The following ZFP2 variants were observed in gnomAD, a reference collection of about 807,000 sequenced individuals.
The protein encoded by ZFP2 is ZFP2 zinc finger protein.
In ZFP2, 33 loss-of-function variants were observed where a neutral mutation model predicts 36.1. That is an observed-to-expected ratio of 0.92 (90% CI 0.69 to 1.22). ZFP2 has a LOEUF of 1.22. Among genes scored for constraint, ZFP2 ranks in the 50% most tolerant of loss-of-function variants. The pLI is 0.00. For missense variants in ZFP2, 522 were observed against 551.4 expected, an observed-to-expected ratio of 0.95 and a Z score of 0.53; for synonymous variants, 170 against 178.0, an observed-to-expected ratio of 0.96 and a Z score of 0.36.
At chr5:178,908,089 C>T (rs1185506600) in intron 1 of ZFP2, among the ~76,000 whole-genome samples, 2 of 152,178 alleles carry the variant, frequency 1.3e-5, no homozygotes, top group African/African-American at 2.4e-5. Flanking sequence ...AGCTCTAAAT[C>T]GCCTGGAAAT....
rs1380101366 is a variant in ZFP2, at chr5:178,907,286, C to T, written c.-449-5298C>T. 3.3e-5 allele frequency among the ~76,000 whole-genome samples: 5 copies of T among 151,488 alleles called. No individual in the cohort carries two copies. In the East Asian group the frequency reaches 9.7e-4, roughly 29 times the overall value. ...CTCTTTTATGGCCAGTATAAGCAGG[C>T]AAAGAAACAAAGGAATATAGATACA... On this transcript the variant is annotated intron_variant, in intron 1 of 4. Coordinates refer to ENST00000361362, the MANE Select transcript of ZFP2 (RefSeq NM_030613.4).
chr5:178,917,996 T>A (rs1167662091), intron 4 of ZFP2, among the ~76,000 whole-genome samples: 1 of 152,240 alleles, frequency 6.6e-6, no homozygotes, highest in African/African-American at 2.4e-5. Flanking sequence ...GGTTTAAATG[T>A]CACCTTTTCA....
At chr5:178,899,425 T>A (rs1758001806) in intron 1 of ZFP2, among the ~76,000 whole-genome samples, 1 of 152,196 alleles carries the variant, frequency 6.6e-6, no homozygotes, top group Non-Finnish European at 1.5e-5. Context: ...CAGTAAGTTG[T>A]AGGCATTCTT....
At chr5:178,902,776 G>T (rs1758086350) in intron 1 of ZFP2, among the ~76,000 whole-genome samples, 1 of 152,114 alleles carries the variant, frequency 6.6e-6, no homozygotes. Flanking sequence ...TTCCAGAGAT[G>T]ACTACAAAAG....
intron 1 of ZFP2, among the ~76,000 whole-genome samples, chr5:178,899,342 G>A (rs1047750269): frequency 6.6e-6 from 1 of 152,138 alleles, no homozygotes; most frequent in Non-Finnish European, 1.5e-5. Flanking sequence ...TACTTCATAG[G>A]TCTGTTGAAA....
intron 3 of ZFP2, chr5:178,913,841 A>G (rs1309357801): frequency 4.7e-5 from 7 of 149,372 alleles, no homozygotes; most frequent in Non-Finnish European, 8.9e-5. Flanking sequence ...AAAAGTACCA[A>G]TCATTTCTTT....
At chr5:178,896,853 A>AT (rs1305367562) in intron 1 of ZFP2, among the ~76,000 whole-genome samples, 6 of 152,176 alleles carry the variant, frequency 3.9e-5, no homozygotes, top group Admixed American at 2.0e-4. Context: ...AAGCCTTGTA[A>AT]TTTTTTACTG....
chr5:178,909,988 C>T (rs1284807663), intron 1 of ZFP2: 2 of 1,410,396 alleles, frequency 1.4e-6, no homozygotes, highest in East Asian at 4.6e-5. Flanking sequence ...TGGGTAGAGA[C>T]TAGTTTCCAT....
intron 3 of ZFP2, among the ~76,000 whole-genome samples, chr5:178,913,392 C>T (rs1018572812): frequency 5.3e-5 from 8 of 152,204 alleles, no homozygotes; most frequent in African/African-American, 9.7e-5. Flanking sequence ...CCTGTCTTTA[C>T]GCATCTTCTC....
Position 178,932,467 on chromosome 5 carries a change from AT to A in ZFP2, c.1155del (p.Asn385LysfsTer89). 1 of 1,614,134 alleles carries A rather than the reference AT, an allele frequency of 6.2e-7. No homozygotes were observed. Among genetic ancestry groups the A allele is most frequent in the Non-Finnish European group, 8.5e-7 (1 of 1,180,026 alleles). Reference protein sequence around the residue: ...IHTGEKPYECNECGKAFSQSA... With the variant: ...IHTGEKPYECXECGKAFSQSA... ...ACTGGAGAGAAACCTTATGAGTGCA[AT>A]GAATGTGGAAAGGCATTCAGCCAGA... On this transcript the variant is annotated frameshift_variant, in exon 5 of 5. Transcript: ENST00000361362. LOFTEE classifies it high-confidence loss of function.
intron 1 of ZFP2, among the ~76,000 whole-genome samples, chr5:178,899,845 T>C (rs1265728337): frequency 6.6e-6 from 1 of 152,126 alleles, no homozygotes; most frequent in Non-Finnish European, 1.5e-5. Flanking sequence ...CGGCATTTTC[T>C]CTTCTCATAA....
chr5:178,926,253 CTG>C (rs35984849), intron 4 of ZFP2, among the ~76,000 whole-genome samples: 38,945 of 151,756 alleles, frequency 0.26, 5,485 homozygotes, highest in East Asian at 0.36. Flanking sequence ...TTCTCATTCT[CTG>C]TTTTAATTAT....
chr5:178,920,636 C>CAAAAAA (rs373794810), intron 4 of ZFP2, among the ~76,000 whole-genome samples: 4 of 118,490 alleles, frequency 3.4e-5, no homozygotes, highest in African/African-American at 1.3e-4. Context: ...GACTTCGTCT[C>CAAAAAA]AAAAAAAAAA....
rs57226626 is a variant in ZFP2 at position 178,911,001 on chromosome 5, C to T, written c.-449-1583C>T. On this transcript the variant is annotated intron_variant, in intron 1 of 4. Coordinates refer to ENST00000361362, the MANE Select transcript of ZFP2 (RefSeq NM_030613.4). ...GTTAAGTATTTTTCTGGTTATTATG[C>T]GGTCTTATTTCCTTTATTCTCCTTT... is the stretch of plus-strand genomic sequence containing the variant. Among the ~76,000 whole-genome samples the T allele has an allele frequency of 1.5e-3, 224 of 152,232 alleles. 2 individuals are homozygous for T. Among genetic ancestry groups the T allele is most frequent in the East Asian group, 0.011 (59 of 5,182 alleles).
At chr5:178,901,965 C>T (rs1226576706) in intron 1 of ZFP2, among the ~76,000 whole-genome samples, 1 of 152,030 alleles carries the variant, frequency 6.6e-6, no homozygotes, top group Non-Finnish European at 1.5e-5. Flanking sequence ...GAAACCCCGT[C>T]TCTACTAAAA....
intron 1 of ZFP2, among the ~76,000 whole-genome samples, chr5:178,897,605 G>A (rs984657248): frequency 9.2e-5 from 14 of 151,652 alleles, no homozygotes; most frequent in Admixed American, 3.3e-4. Flanking sequence ...TTTTTTCTTC[G>A]TTGATATGAA....
At chr5:178,900,945 G>T (rs903580140) in intron 1 of ZFP2, among the ~76,000 whole-genome samples, 1 of 152,162 alleles carries the variant, frequency 6.6e-6, no homozygotes, top group African/African-American at 2.4e-5. Context: ...TATATATTAT[G>T]CCTGGCTTTT....
chr5:178,920,774 C>T (rs1019534743), intron 4 of ZFP2, among the ~76,000 whole-genome samples: 3 of 152,188 alleles, frequency 2.0e-5, no homozygotes, highest in Non-Finnish European at 2.9e-5. Flanking sequence ...ACAAGTAAGG[C>T]AGATGCTTTA....
rs1043754643 is a variant in ZFP2 at position 178,912,679 on chromosome 5, G to A, written c.-354G>A. The A allele has an allele frequency of 1.3e-5, 14 of 1,063,598 alleles. No individual in the cohort carries two copies. The highest frequency in any genetic ancestry group is 4.6e-6 in the Non-Finnish European group (4 of 863,588). 65.9% of individuals were successfully genotyped at this position (1,063,598 alleles called of 1,614,324 possible). ...CTGCTCAGAGGATGACCGTGTATGG[G>A]GAGGTGATGCTGGAGAACTACAGGA... On this transcript the variant is annotated 5_prime_UTR_variant, in exon 2 of 5. Coordinates refer to ENST00000361362, the MANE Select transcript of ZFP2 (RefSeq NM_030613.4).
Sources: allele counts gnomAD v4.1 joint callset (sites outside exome capture counted in the v4.1 genomes callset), GRCh38; gene constraint gnomAD v4.1.1; transcripts MANE v1.5; gene names NCBI Gene and HGNC (gene_info 2026-07-23, HGNC 2026-07-21).